Variants in CDKL4 observed in about 807,000 individuals in gnomAD.
CDKL4 encodes the protein cyclin dependent kinase like 4.
Under a neutral mutation model 42.0 loss-of-function variants are expected in CDKL4, and 44 were observed. The observed-to-expected ratio is 1.05, with a 90% CI of 0.82 to 1.35. The LOEUF is 1.35. Ranked by LOEUF, CDKL4 falls within the 40% of genes most tolerant of loss-of-function variation. The pLI is 0.00. For synonymous variants in CDKL4, 120 were observed against 121.6 expected (o/e 0.99, Z 0.09); for missense variants, 393 against 369.9 (o/e 1.06, Z -0.51).
intron 4 of CDKL4, among the ~76,000 whole-genome samples, chr2:39,212,666 C>G (rs1183994648): frequency 6.6e-6 from 1 of 151,266 alleles, no homozygotes; most frequent in African/African-American, 2.4e-5. Flanking sequence ...TGAAAACTTA[C>G]TATTATTTTT....
intron 5 of CDKL4, among the ~76,000 whole-genome samples, chr2:39,203,388 G>T (rs1413221196): frequency 6.6e-6 from 1 of 152,066 alleles, no homozygotes; most frequent in Non-Finnish European, 1.5e-5. Flanking sequence ...TGGCGTATCT[G>T]TGTAGGTTTT....
chr2:39,201,033 C>A (rs911037079), intron 5 of CDKL4, among the ~76,000 whole-genome samples: 3 of 152,132 alleles, frequency 2.0e-5, no homozygotes, highest in South Asian at 4.2e-4. Context: ...AACAGACAAC[C>A]CACAGTGTGG....
chr2:39,190,065 C>G (rs1016435770), intron 6 of CDKL4, among the ~76,000 whole-genome samples: 1 of 152,136 alleles, frequency 6.6e-6, no homozygotes, highest in Non-Finnish European at 1.5e-5. Flanking sequence ...TATTCCATGG[C>G]TAATTGACTT....
intron 4 of CDKL4, among the ~76,000 whole-genome samples, chr2:39,212,539 G>T (rs148627374): frequency 2.0e-5 from 3 of 150,794 alleles, no homozygotes; most frequent in African/African-American, 7.3e-5. Context: ...GGCCGGAAAC[G>T]GTTTTTAAAA....
intron 3 of CDKL4, among the ~76,000 whole-genome samples, chr2:39,218,474 A>G (rs1157767941): frequency 6.6e-6 from 1 of 152,198 alleles, no homozygotes; most frequent in African/African-American, 2.4e-5. Flanking sequence ...AGAGAGTGAG[A>G]CAAGTGAATG....
At chr2:39,225,905 T>A in exon 3 of CDKL4, 2 of 1,611,802 alleles carry the variant, frequency 1.2e-6, no homozygotes, top group Non-Finnish European at 8.5e-7. Context: ...TAAATGCATT[T>A]TCCTTTTTCT....
intron 5 of CDKL4, among the ~76,000 whole-genome samples, chr2:39,190,986 A>G (rs1414126250): frequency 6.6e-6 from 1 of 152,216 alleles, no homozygotes; most frequent in Non-Finnish European, 1.5e-5. Context: ...TCTAAATCCA[A>G]TGACTTGAAT....
chr2:39,208,068 C>A (rs571532464), intron 4 of CDKL4, among the ~76,000 whole-genome samples: 1 of 151,870 alleles, frequency 6.6e-6, no homozygotes, highest in Admixed American at 6.6e-5. Flanking sequence ...CGCCACTGGA[C>A]CCCAGCCTGG....
intron 4 of CDKL4, among the ~76,000 whole-genome samples, chr2:39,212,554 A>T (rs1006699564): frequency 2.0e-5 from 3 of 151,724 alleles, no homozygotes; most frequent in Non-Finnish European, 2.9e-5. Context: ...TTAAAAAGGA[A>T]AGGAAAGGGG....
At chr2:39,237,429 T>A (rs1313437414) in intron 1 of CDKL4, among the ~76,000 whole-genome samples, 2 of 152,228 alleles carry the variant, frequency 1.3e-5, no homozygotes, top group African/African-American at 4.8e-5. Context: ...TGCTTAATGA[T>A]GAAAGATTGA....
intron 9 of CDKL4, among the ~76,000 whole-genome samples, chr2:39,177,845 C>T (rs1050339531): frequency 6.6e-6 from 1 of 151,858 alleles, no homozygotes; most frequent in Non-Finnish European, 1.5e-5. Context: ...CCCGCCACCA[C>T]ACCCGGCTAA....
chr2:39,186,423 C>T (rs963647926), intron 7 of CDKL4, among the ~76,000 whole-genome samples: 1 of 152,108 alleles, frequency 6.6e-6, no homozygotes. Flanking sequence ...GGAGTGTGGA[C>T]ACATGCTTTT....
intron 5 of CDKL4, among the ~76,000 whole-genome samples, chr2:39,196,766 C>T (rs1676539623): frequency 6.6e-6 from 1 of 152,136 alleles, no homozygotes; most frequent in South Asian, 2.1e-4. Context: ...TGCTGCCACG[C>T]CCGGCTAATT....
At chr2:39,207,222 C>T (rs891572525) in intron 4 of CDKL4, among the ~76,000 whole-genome samples, 1 of 151,860 alleles carries the variant, frequency 6.6e-6, no homozygotes, top group South Asian at 2.1e-4. Context: ...TCAGTCTCTA[C>T]AAAAAATACA....
intron 5 of CDKL4, among the ~76,000 whole-genome samples, chr2:39,196,612 G>T (rs1558556462): frequency 6.6e-6 from 1 of 151,494 alleles, no homozygotes; most frequent in Admixed American, 6.6e-5. Flanking sequence ...ACAAAATAAG[G>T]TTCTTTTTTT....
chr2:39,224,027 T>A (rs994526913), intron 3 of CDKL4, among the ~76,000 whole-genome samples: 1 of 152,060 alleles, frequency 6.6e-6, no homozygotes, highest in Non-Finnish European at 1.5e-5. Flanking sequence ...TTTATGAAAG[T>A]TTTTTTTGAA....
chr2:39,201,039 TGTGG>T (rs1042151388), intron 5 of CDKL4, among the ~76,000 whole-genome samples: 6 of 152,116 alleles, frequency 3.9e-5, no homozygotes, highest in African/African-American at 1.4e-4. Context: ...CAACCCACAG[TGTGG>T]GAGAAAATCT....
chr2:39,185,119 TAC>T (rs1175917105), intron 7 of CDKL4, among the ~76,000 whole-genome samples: 2,475 of 137,778 alleles, frequency 0.018, 77 homozygotes, highest in African/African-American at 0.048. Flanking sequence ...TATATATATA[TAC>T]ACACACATAT....
downstream of CDKL4, among the ~76,000 whole-genome samples, chr2:39,174,664 C>A (rs1313693184): frequency 1.3e-5 from 2 of 152,162 alleles, no homozygotes; most frequent in Non-Finnish European, 2.9e-5. Flanking sequence ...GTATGCCAGA[C>A]ACGGGAGCGG....
Sources: gnomAD v4.1 joint callset for allele counts (sites outside exome capture counted in the v4.1 genomes callset) on GRCh38, gnomAD v4.1.1 for gene constraint, MANE v1.5 for transcripts, NCBI Gene and HGNC (gene_info 2026-07-23, HGNC 2026-07-21) for gene names.